Variants in TRIQK observed in about 807,000 individuals in gnomAD.
TRIQK encodes triple QxxK/R motif containing.
TRIQK carries 10 observed loss-of-function variants against 10.8 expected under a neutral mutation model. The observed-to-expected ratio is 0.92, with a 90% confidence interval of 0.57 to 1.57. The LOEUF (loss-of-function observed/expected upper bound fraction) is 1.57. Among genes scored for constraint, TRIQK ranks in the 40% most tolerant of loss-of-function variants. The probability of loss-of-function intolerance (pLI) is 0.00; values close to 1 mark genes in which losing one functional copy is unlikely to be tolerated. For synonymous variants in TRIQK, 33 were observed against 33.7 expected, an observed-to-expected ratio of 0.98 and a Z score of 0.07; for missense variants, 107 against 97.7, an observed-to-expected ratio of 1.09 and a Z score of -0.40.
chr8:92,884,559 C>G lies in TRIQK; in HGVS notation c.*2063G>C, dbSNP rs1430965008. 2 of 319,220 alleles carry G rather than the reference C, an allele frequency of 6.3e-6. No homozygotes were observed. The highest frequency in any genetic ancestry group is 1.6e-4 in the East Asian group (2 of 12,550). 19.8% of individuals were successfully genotyped at this position (319,220 alleles called of 1,614,324 possible). A position where few individuals can be genotyped will look rare whatever the true frequency, so the allele number is the denominator to read the frequency against. ...ATACTATATTTAGATTAATAGTTAT[C>G]AAAAACATTTTTCCCCAAAAAATAC... is the stretch of plus-strand genomic sequence containing the variant. On this transcript the variant is annotated 3_prime_UTR_variant, in exon 5 of 5. Transcript: ENST00000521988.
chr8:92,982,710 G>A (rs1812998849), intron 1 of TRIQK, among the ~76,000 whole-genome samples: 1 of 152,034 alleles, frequency 6.6e-6, no homozygotes, highest in Non-Finnish European at 1.5e-5. Flanking sequence ...ATCAATGGGA[G>A]ACATTATATT....
intron 1 of TRIQK, among the ~76,000 whole-genome samples, chr8:92,956,779 G>GT (rs1194006777): frequency 1.3e-5 from 2 of 151,664 alleles, no homozygotes; most frequent in African/African-American, 4.8e-5. Flanking sequence ...TTTCAAGTCT[G>GT]TTTTTTGTCT....
chr8:93,004,909 A>G (rs945351330), intron 1 of TRIQK, among the ~76,000 whole-genome samples: 11 of 152,184 alleles, frequency 7.2e-5, no homozygotes, highest in Non-Finnish European at 1.6e-4. Context: ...CCATATCACT[A>G]TCAGTATTTT....
Position 92,883,943 on chromosome 8 carries a change from A to C in TRIQK, c.*2679T>G, listed in dbSNP as rs996508074. On this transcript the variant is annotated 3_prime_UTR_variant, in exon 5 of 5. Coordinates refer to ENST00000521988, the MANE Select transcript of TRIQK (RefSeq NM_001171797.2). ...ATTTATACATTCTTTACCCTGTCTA[A>C]ACTTGCATGCAAAATAAGAACCAGC... 1 of 151,728 alleles carries C rather than the reference A, an allele frequency of 6.6e-6. No homozygotes were observed. The highest frequency in any genetic ancestry group is 2.4e-5 in the African/African-American group (1 of 41,368). 9.4% of individuals were successfully genotyped at this position (151,728 alleles called of 1,614,324 possible).
chr8:92,905,212 A>G (rs1809190289), intron 3 of TRIQK, among the ~76,000 whole-genome samples: 1 of 152,184 alleles, frequency 6.6e-6, no homozygotes, highest in African/African-American at 2.4e-5. Context: ...GAAGAAAAAT[A>G]CCAGTATATA....
At chr8:92,969,479 GA>G (rs1245954794), upstream of TRIQK, among the ~76,000 whole-genome samples, 1 of 149,296 alleles carries the variant, frequency 6.7e-6, no homozygotes, top group Admixed American at 6.7e-5. Flanking sequence ...AGTGTATTTG[GA>G]AAAAAAATGT....
intron 2 of TRIQK, among the ~76,000 whole-genome samples, chr8:92,920,204 T>C (rs1264457472): frequency 6.6e-6 from 1 of 151,742 alleles, no homozygotes; most frequent in African/African-American, 2.4e-5. Context: ...ACCACATTCA[T>C]ATTCTCCTTT....
intron 1 of TRIQK, among the ~76,000 whole-genome samples, chr8:93,015,656 T>C (rs1275790315): frequency 6.6e-6 from 1 of 152,100 alleles, no homozygotes; most frequent in African/African-American, 2.4e-5. Flanking sequence ...GTGCAAAATG[T>C]ACATGGAATG....
At chr8:92,912,774 A>T (rs1809636116) in intron 3 of TRIQK, among the ~76,000 whole-genome samples, 1 of 151,996 alleles carries the variant, frequency 6.6e-6, no homozygotes, top group Admixed American at 6.5e-5. Context: ...AGCAAGAATG[A>T]ATCAAGAAGA....
At chr8:92,896,201 C>G (rs1353774624) in intron 3 of TRIQK, among the ~76,000 whole-genome samples, 1 of 152,176 alleles carries the variant, frequency 6.6e-6, no homozygotes, top group East Asian at 1.9e-4. Context: ...CAGCACCCCT[C>G]AGCCATGCCA....
chr8:92,973,914 C>T (rs2130739171), intron 1 of TRIQK: 1 of 152,716 alleles, frequency 6.5e-6, no homozygotes, highest in East Asian at 1.9e-4. Flanking sequence ...TGTGAAATCA[C>T]TAGCTTTGGG....
intron 2 of TRIQK, among the ~76,000 whole-genome samples, chr8:92,922,064 A>T (rs2130495223): frequency 6.6e-6 from 1 of 151,950 alleles, no homozygotes; most frequent in Non-Finnish European, 1.5e-5. Context: ...TATTCAAATT[A>T]TGACAAAGTC....
At position 92,916,485 on chromosome 8, in the gene TRIQK, C is replaced by T. The variant is rs561135025; in HGVS notation, c.61+444G>A. ...AGAATTCTCTTTCTTTTTTTCTGAA[C>T]TCAGGTTTCCATATAAAAGAACATT... On this transcript the variant is annotated intron_variant, in intron 3 of 4. Transcript: ENST00000521988. Among the ~76,000 whole-genome samples, 5 of 152,022 alleles carry T rather than the reference C, an allele frequency of 3.3e-5. 1 individual carries two copies. The highest frequency in any genetic ancestry group is 3.3e-4 in the Admixed American group (5 of 15,268).
intron 3 of TRIQK, among the ~76,000 whole-genome samples, chr8:92,911,137 G>A (rs1365423279): frequency 1.3e-5 from 2 of 151,276 alleles, no homozygotes; most frequent in Non-Finnish European, 3.0e-5. Context: ...AAAAGTAAGA[G>A]TGGAGCTTTT....
At chr8:93,000,403 C>A (rs1014241412) in intron 1 of TRIQK, among the ~76,000 whole-genome samples, 6 of 152,110 alleles carry the variant, frequency 3.9e-5, no homozygotes, top group Non-Finnish European at 7.4e-5. Context: ...TGGTGGCCAA[C>A]AAGAGAGCAT....
chr8:92,934,036 A>G (rs1810861397), intron 2 of TRIQK, among the ~76,000 whole-genome samples: 1 of 152,094 alleles, frequency 6.6e-6, no homozygotes, highest in Admixed American at 6.6e-5. Context: ...CAGGAGAGAA[A>G]GTGTGAAAGA....
At chr8:92,973,831 G>A (rs1393342882) in intron 1 of TRIQK, 1 of 152,194 alleles carries the variant, frequency 6.6e-6, no homozygotes, top group Non-Finnish European at 1.5e-5. Context: ...AGAAGGAGGA[G>A]TTTAAATGAT....
At chr8:93,010,953 C>T (rs1813325729) in intron 1 of TRIQK, among the ~76,000 whole-genome samples, 2 of 152,128 alleles carry the variant, frequency 1.3e-5, no homozygotes, top group South Asian at 2.1e-4. Flanking sequence ...TACTGTTTCT[C>T]TTACCTAAGC....
chr8:92,916,356 G>C (rs1463231413), intron 3 of TRIQK, among the ~76,000 whole-genome samples: 2 of 152,002 alleles, frequency 1.3e-5, no homozygotes, highest in Non-Finnish European at 2.9e-5. Context: ...GTTCTACTAG[G>C]GTAGTATCTC....
Sources: gnomAD v4.1 joint callset for allele counts (sites outside exome capture counted in the v4.1 genomes callset) on GRCh38, gnomAD v4.1.1 for gene constraint, MANE v1.5 for transcripts, NCBI Gene and HGNC (gene_info 2026-07-23, HGNC 2026-07-21) for gene names.